The following ALK variants were observed in gnomAD, a reference collection of about 807,000 sequenced individuals.
ALK encodes the protein ALK tyrosine kinase receptor.
A neutral mutation model predicts 163.1 loss-of-function variants in ALK; 74 were observed. That is an observed-to-expected ratio of 0.45 (90% CI 0.38 to 0.55). The LOEUF (loss-of-function observed/expected upper bound fraction) is 0.55. Ranked by LOEUF, ALK falls within the 20% of genes least tolerant of loss-of-function variation. The pLI, the probability that ALK is intolerant of heterozygous loss-of-function variation, is 0.00. For missense variants in ALK, 2,063 were observed against 2,105.3 expected, an observed-to-expected ratio of 0.98 and a Z score of 0.39; for synonymous variants, 960 against 843.2, an observed-to-expected ratio of 1.14 and a Z score of -2.40.
chr2:29,277,005 T>G (rs1233176329), intron 9 of ALK, among the ~76,000 whole-genome samples: 5 of 151,752 alleles, frequency 3.3e-5, no homozygotes, highest in Non-Finnish European at 7.4e-5. Context: ...CTGATAAAGG[T>G]GTTAGAAAAA....
intron 4 of ALK, among the ~76,000 whole-genome samples, chr2:29,510,832 T>C (rs4665464): frequency 0.38 from 57,325 of 152,026 alleles, 11,789 homozygotes; most frequent in South Asian, 0.56. Flanking sequence ...TGATGTTTTC[T>C]GAGAAGTCTT....
At chr2:29,288,195 G>C (rs918379310) in intron 9 of ALK, among the ~76,000 whole-genome samples, 1 of 152,194 alleles carries the variant, frequency 6.6e-6, no homozygotes, top group Non-Finnish European at 1.5e-5. Context: ...GTAGGGCAGG[G>C]GGCATAAAGG....
chr2:29,688,866 T>C (rs1005052161), intron 3 of ALK, among the ~76,000 whole-genome samples: 2 of 152,186 alleles, frequency 1.3e-5, no homozygotes, highest in Non-Finnish European at 2.9e-5. Context: ...TTGACTCCCA[T>C]TAACGAGATG....
chr2:29,619,031 GTATT>G (rs1675947209), intron 3 of ALK, among the ~76,000 whole-genome samples: 1 of 151,998 alleles, frequency 6.6e-6, no homozygotes, highest in East Asian at 1.9e-4. Flanking sequence ...AAATAGTTGT[GTATT>G]TATTTAATTA....
intron 5 of ALK, among the ~76,000 whole-genome samples, chr2:29,361,549 T>C (rs1280289451): frequency 6.6e-6 from 1 of 152,236 alleles, no homozygotes; most frequent in Non-Finnish European, 1.5e-5. Flanking sequence ...GTGGAGAAGC[T>C]GAGCTGTGGT....
intron 3 of ALK, among the ~76,000 whole-genome samples, chr2:29,646,289 G>A (rs747088713): frequency 1.3e-5 from 2 of 151,986 alleles, no homozygotes; most frequent in African/African-American, 4.8e-5. Flanking sequence ...CATTGGCTCC[G>A]CCTCAAAAAC....
rs116725313 is a variant in ALK, at chr2:29,759,433, A to G, written c.668-41736T>C. On this transcript the variant is annotated intron_variant, in intron 1 of 28. Coordinates refer to ENST00000389048, the MANE Select transcript of ALK (RefSeq NM_004304.5). ...GGCATGCAAGTGCATGTGTGTGTGC[A>G]TGTGTGCGTGCGTGCGTGTGTGCAA... Among the ~76,000 whole-genome samples, 765 of 152,220 alleles carry G rather than the reference A, an allele frequency of 5.0e-3. 2 individuals are homozygous for G. The highest frequency in any genetic ancestry group is 8.3e-3 in the Non-Finnish European group (566 of 67,988).
intron 4 of ALK, among the ~76,000 whole-genome samples, chr2:29,419,533 T>C (rs963513625): frequency 6.6e-6 from 1 of 151,302 alleles, no homozygotes; most frequent in African/African-American, 2.5e-5. Context: ...GGCCTGAAGA[T>C]TGGCTAAAAA....
chr2:29,742,437 G>A (rs1680087601), intron 1 of ALK, among the ~76,000 whole-genome samples: 1 of 152,208 alleles, frequency 6.6e-6, no homozygotes, highest in South Asian at 2.1e-4. Flanking sequence ...GTTACAGGCT[G>A]TGGGGAAAGA....
chr2:29,882,309 A>C (rs1016157008), intron 1 of ALK, among the ~76,000 whole-genome samples: 1 of 152,250 alleles, frequency 6.6e-6, no homozygotes, highest in Non-Finnish European at 1.5e-5. Flanking sequence ...TTTTCTAAAA[A>C]ATGGAAATAA....
chr2:29,576,805 T>A (rs12991863), intron 3 of ALK, among the ~76,000 whole-genome samples: 24,221 of 151,746 alleles, frequency 0.16, 2,199 homozygotes, highest in East Asian at 0.28. Flanking sequence ...TCGGGGGATC[T>A]AGGTTGCATG....
In ALK at chr2:29,220,247, G is replaced by C. The variant is rs148370241; in HGVS notation, c.3645+459C>G. 9.9e-5 allele frequency among the ~76,000 whole-genome samples: 15 copies of C among 152,210 alleles called. No individual in the cohort carries two copies. The East Asian group carries it at 2.9e-3, about 29-fold the overall frequency. ...CATGATAGTGAGTGAGTTCTCATGA[G>C]ACCTGGTTGTTTAAAAGTGTACAGC... On this transcript the variant is annotated intron_variant, in intron 23 of 28. Coordinates refer to ENST00000389048, the MANE Select transcript of ALK (RefSeq NM_004304.5).
At position 29,320,798 on chromosome 2, in the gene ALK, T is replaced by C; in HGVS notation, c.1499A>G (p.Gln500Arg). The C allele has an allele frequency of 6.2e-7, 1 of 1,614,070 alleles. No individual in the cohort carries two copies. Among genetic ancestry groups the C allele is most frequent in the African/African-American group, 1.3e-5 (1 of 75,030 alleles). ...ATCCTTTAGGGTCCTGACCTGCCAT[T>C]GAGGAGTGTGGGGTGACAGTGTGCC... ...TQGTLSPHTP[Q>R]WQVRTLKDAR... Residue 500 changes from glutamine to arginine, a missense_variant, in exon 7 of 29, where the codon CAA becomes CGA. Physicochemically the swap from Gln to Arg is conservative, Grantham distance 43 (BLOSUM62 1). Transcript: ENST00000389048.
intron 1 of ALK, among the ~76,000 whole-genome samples, chr2:29,804,639 A>C (rs4666276): frequency 0.43 from 65,228 of 152,026 alleles, 16,791 homozygotes; most frequent in South Asian, 0.57. Flanking sequence ...CGTTGGGTTT[A>C]AGGTGATACC....
chr2:29,264,524 A>G (rs931619105), intron 11 of ALK, among the ~76,000 whole-genome samples: 5 of 152,152 alleles, frequency 3.3e-5, no homozygotes, highest in African/African-American at 9.7e-5. Context: ...ACTAGCACAT[A>G]TACTCCATAA....
intron 4 of ALK, among the ~76,000 whole-genome samples, chr2:29,455,705 C>T (rs1670934740): frequency 6.6e-6 from 1 of 152,212 alleles, no homozygotes; most frequent in African/African-American, 2.4e-5. Context: ...AACCACTTGA[C>T]TGACTAAGAG....
intron 4 of ALK, among the ~76,000 whole-genome samples, chr2:29,508,785 G>A (rs1672423338): frequency 7.3e-6 from 1 of 137,218 alleles, no homozygotes; most frequent in African/African-American, 2.8e-5. Context: ...GCCCATCCCT[G>A]ACCTATTGAA....
intron 9 of ALK, among the ~76,000 whole-genome samples, chr2:29,292,487 C>A (rs1333149625): frequency 6.6e-6 from 1 of 152,060 alleles, no homozygotes; most frequent in Non-Finnish European, 1.5e-5. Context: ...AGAATTAATT[C>A]CAGCAGAAAG....
chr2:29,385,290 A>T (rs1418756638), intron 4 of ALK, among the ~76,000 whole-genome samples: 1 of 152,080 alleles, frequency 6.6e-6, no homozygotes, highest in African/African-American at 2.4e-5. Flanking sequence ...CCAACTATTC[A>T]GAAAGGCTGA....
Sources: allele counts gnomAD v4.1 joint callset (sites outside exome capture counted in the v4.1 genomes callset), GRCh38; gene constraint gnomAD v4.1.1; transcripts MANE v1.5; gene names NCBI Gene and HGNC (gene_info 2026-07-23, HGNC 2026-07-21).